C3orf20: variants seen among roughly 807,000 people sequenced by gnomAD.
The protein encoded by C3orf20 is family with sequence similarity 149 member C, also known as uncharacterized protein C3orf20.
A neutral mutation model predicts 88.3 loss-of-function variants in C3orf20; 76 were observed. That is an observed-to-expected ratio of 0.86 (90% confidence interval 0.72 to 1.04). C3orf20 has a LOEUF of 1.04. Ranked by LOEUF, C3orf20 falls within the 50% of genes least tolerant of loss-of-function variation. C3orf20 has a pLI of 0.00. For synonymous variants in C3orf20, 436 were observed against 437.4 expected, an observed-to-expected ratio of 1.00 and a Z score of 0.04; for missense variants, 1,056 against 1,123.3, an observed-to-expected ratio of 0.94 and a Z score of 0.86.
rs548049243 is a variant in C3orf20 at position 14,707,077 on chromosome 3, G to A, written c.1160+2459G>A. Among the ~76,000 whole-genome samples, 119 of 151,796 alleles carry A rather than the reference G, an allele frequency of 7.8e-4. No homozygotes were observed. In the Middle Eastern group the frequency reaches 0.014, roughly 17 times the overall value. Reference sequence around the variant, plus strand: ...ATCCTGGCTAACATGGTGAAACCCCGTCTCTACTAAAAATACAAAAAATTA... The same window carrying A: ...ATCCTGGCTAACATGGTGAAACCCCATCTCTACTAAAAATACAAAAAATTA... On this transcript the variant is annotated intron_variant, in intron 7 of 16. Coordinates refer to ENST00000253697, the MANE Select transcript of C3orf20 (RefSeq NM_032137.5).
chr3:14,708,375 A>G (rs750418171), intron 7 of C3orf20, among the ~76,000 whole-genome samples: 3 of 152,048 alleles, frequency 2.0e-5, no homozygotes, highest in African/African-American at 7.3e-5. Context: ...ATTCTAAGCC[A>G]TTAACACGTA....
chr3:14,764,507 A>ATTGTTGTTG lies in C3orf20; in HGVS notation c.2495+2913_2495+2921dup, dbSNP rs962763180. Among the ~76,000 whole-genome samples the ATTGTTGTTG allele has an allele frequency of 1.3e-3, 167 of 132,836 alleles. 1 individual carries two copies. Among genetic ancestry groups the ATTGTTGTTG allele is most frequent in the African/African-American group, 4.9e-3 (159 of 32,782 alleles). The allele number at this position is 132,836 out of a possible 152,430, so 87.1% of individuals were successfully genotyped here. ...TATTATTATTATTATTATTATTATT[A>ATTGTTGTTG]TTGTTGTTGTTGTTGTTGTTGTTGT... is the stretch of plus-strand genomic sequence containing the variant. On this transcript the variant is annotated intron_variant, in intron 15 of 16. Coordinates refer to ENST00000253697, the MANE Select transcript of C3orf20 (RefSeq NM_032137.5).
intron 10 of C3orf20, among the ~76,000 whole-genome samples, chr3:14,724,171 T>C (rs184740547): frequency 9.6e-4 from 146 of 152,336 alleles, no homozygotes; most frequent in African/African-American, 3.3e-3. Flanking sequence ...AAGTCACCTA[T>C]CTATGTTTCT....
chr3:14,714,192 A>G (rs1164411910), intron 8 of C3orf20, 33 bp downstream of exon 8: 1 of 1,609,600 alleles, frequency 6.2e-7, no homozygotes, highest in South Asian at 1.1e-5. Context: ...AGTCACACGG[A>G]AGTACCTCTG....
At chr3:14,743,005 A>C (rs754942626) in intron 12 of C3orf20, among the ~76,000 whole-genome samples, 1 of 151,884 alleles carries the variant, frequency 6.6e-6, no homozygotes, top group African/African-American at 2.4e-5. Flanking sequence ...CAAACCATAT[A>C]ATTCCACCCG....
chr3:14,685,425 T>G (rs2032343271), intron 4 of C3orf20, among the ~76,000 whole-genome samples: 1 of 151,650 alleles, frequency 6.6e-6, no homozygotes, highest in Non-Finnish European at 1.5e-5. Context: ...TGTTGCTTTT[T>G]TCTCACCCAG....
At chr3:14,766,007 A>C (rs1405759861) in intron 15 of C3orf20, among the ~76,000 whole-genome samples, 2 of 152,024 alleles carry the variant, frequency 1.3e-5, no homozygotes, top group Non-Finnish European at 2.9e-5. Flanking sequence ...CCAGGCCAAA[A>C]ACAACTGGGG....
chr3:14,683,177 C>A lies in C3orf20; in HGVS notation c.464C>A (p.Ala155Asp). 1.3e-6 allele frequency: 2 copies of A among 1,595,944 alleles called. No homozygotes were observed. Among genetic ancestry groups the A allele is most frequent in the South Asian group, 1.1e-5 (1 of 87,980 alleles). The part of the protein sequence containing the change: ...LTELLRLKMK[A>D]MVESMSVGAN... ...GAGCTCCTCAGACTGAAGATGAAGGCCATGGTGGAGTCTATGTCGGGTAAG... is the reference window on the plus strand; with the variant it reads ...GAGCTCCTCAGACTGAAGATGAAGGACATGGTGGAGTCTATGTCGGGTAAG... Residue 155 changes from alanine (A) to aspartate (D), a missense_variant, in exon 3 of 17, where the codon GCC becomes GAC. By Grantham distance (126) the Ala-to-Asp change is moderately radical. Coordinates refer to ENST00000253697, the MANE Select transcript of C3orf20 (RefSeq NM_032137.5).
intron 5 of C3orf20, among the ~76,000 whole-genome samples, chr3:14,692,262 T>TA (rs2032771170): frequency 6.6e-6 from 1 of 152,200 alleles, no homozygotes. Flanking sequence ...GGTATATACC[T>TA]ACGTGTGGAA....
intron 9 of C3orf20, among the ~76,000 whole-genome samples, chr3:14,718,642 T>C (rs902421819): frequency 1.3e-5 from 2 of 152,250 alleles, no homozygotes; most frequent in Non-Finnish European, 2.9e-5. Flanking sequence ...GTGAATGTTA[T>C]TTGGTGGAGT....
chr3:14,683,067 C>T lies in C3orf20; in HGVS notation c.354C>T (p.Thr118=), dbSNP rs1418990924. ...LATTGAAKRS[T]LSPTMARQVR... ...CCACTGGGGCAGCCAAGCGCTCCAC[C>T]CTCTCTCCCACCATGGCCCGTCAGG... Residue 118 remains threonine (T), a synonymous_variant, in exon 3 of 17, where the codon ACC becomes ACT. Transcript: ENST00000253697. The T allele has an allele frequency of 6.2e-7, 1 of 1,611,618 alleles. No individual in the cohort carries two copies.
chr3:14,757,409 C>G lies in C3orf20; in HGVS notation c.1979C>G (p.Ala660Gly), dbSNP rs755039389. ...GAGGGGCGCAGCCCCACCAGGTGGG[C>G]GGCCTTGCCCTCAGACTGCCCGCTG... The part of the protein sequence containing the change: ...AREGRSPTRW[A>G]ALPSDCPLVL... The change falls in exon 13 of 17, where the codon GCG becomes GGG. Residue 660 changes from alanine (A) to glycine (G), a missense_variant. By Grantham distance (60) the Ala-to-Gly change is moderately conservative. Transcript: ENST00000253697. 1.9e-5 allele frequency: 31 copies of G among 1,611,794 alleles called. No individual in the cohort carries two copies. Among genetic ancestry groups the G allele is most frequent in the Non-Finnish European group, 2.5e-5 (30 of 1,179,852 alleles).
chr3:14,756,593 T>C (rs1274001593), intron 12 of C3orf20, among the ~76,000 whole-genome samples: 1 of 147,670 alleles, frequency 6.8e-6, no homozygotes, highest in East Asian at 2.0e-4. Flanking sequence ...GAAAATCTCA[T>C]TAAGAAGGTA....
chr3:14,766,219 T>TC lies in C3orf20; in HGVS notation c.2495+4608dup, dbSNP rs529607886. 6.8e-4 allele frequency among the ~76,000 whole-genome samples: 103 copies of TC among 152,278 alleles called. 3 individuals carry two copies. The South Asian group carries it at 0.021, about 30-fold the overall frequency. On this transcript the variant is annotated intron_variant, in intron 15 of 16. Coordinates refer to ENST00000253697, the MANE Select transcript of C3orf20 (RefSeq NM_032137.5). The stretch of plus-strand genomic sequence containing the variant: ...TCTTGTGTGGCAGATAGTGATCCCC[T>TC]CCCCAGGGCAGCCCTGTGCGGGGCG...
rs537112100 is a variant in C3orf20 at position 14,737,099 on chromosome 3, TA to T, written c.1940+8414del. 1.5e-3 allele frequency among the ~76,000 whole-genome samples: 226 copies of T among 152,342 alleles called. 1 individual carries two copies. The highest frequency in any genetic ancestry group is 0.013 in the Admixed American group (202 of 15,298). ...TTTAAAGGCTTTTCTATGATGTGCCTAAATGTAATTTTCATTGTACTTATCC... is the reference window on the plus strand; with the variant it reads ...TTTAAAGGCTTTTCTATGATGTGCCTAATGTAATTTTCATTGTACTTATCC... On this transcript the variant is annotated intron_variant, in intron 12 of 16. Coordinates refer to ENST00000253697, the MANE Select transcript of C3orf20 (RefSeq NM_032137.5).
At chr3:14,750,405 A>C (rs1324309377) in intron 12 of C3orf20, among the ~76,000 whole-genome samples, 1 of 152,116 alleles carries the variant, frequency 6.6e-6, no homozygotes, top group African/African-American at 2.4e-5. Context: ...TGTCTCTACG[A>C]AACAGCCAGG....
At chr3:14,692,491 TA>T (rs1188172274) in intron 5 of C3orf20, among the ~76,000 whole-genome samples, 17 of 152,208 alleles carry the variant, frequency 1.1e-4, no homozygotes, top group African/African-American at 4.1e-4. Context: ...TTTCTCTGAC[TA>T]TCAGTGATGT....
chr3:14,740,106 AC>A (rs1296104825), intron 12 of C3orf20, among the ~76,000 whole-genome samples: 3 of 152,200 alleles, frequency 2.0e-5, no homozygotes, highest in Non-Finnish European at 4.4e-5. Flanking sequence ...GCTGACTGGC[AC>A]AGGAGGCCTA....
At chr3:14,726,704 G>A (rs1049229383) in intron 10 of C3orf20, among the ~76,000 whole-genome samples, 197 bp from the exon 11 acceptor site, 1 of 152,174 alleles carries the variant, frequency 6.6e-6, no homozygotes, top group African/African-American at 2.4e-5. Flanking sequence ...ACCCTCCGAG[G>A]AGAGGCCATG....
Sources: allele counts gnomAD v4.1 joint callset (sites outside exome capture counted in the v4.1 genomes callset), GRCh38; gene constraint gnomAD v4.1.1; transcripts MANE v1.5; gene names NCBI Gene and HGNC (gene_info 2026-07-23, HGNC 2026-07-21).